The following LGR6 variants were observed in gnomAD, a reference collection of about 807,000 sequenced individuals.
LGR6 encodes the protein leucine rich repeat containing G protein-coupled receptor 6.
A neutral mutation model predicts 69.4 loss-of-function variants in LGR6; 45 were observed. That is an observed-to-expected ratio of 0.65 (90% CI 0.51 to 0.83). The LOEUF (loss-of-function observed/expected upper bound fraction) is 0.83. Ranked by LOEUF, LGR6 falls within the 40% of genes least tolerant of loss-of-function variation. LGR6 has a pLI of 0.00. For missense variants in LGR6, 1,108 were observed against 1,246.7 expected (o/e 0.89, Z 1.68); for synonymous variants, 538 against 555.0 (o/e 0.97, Z 0.43).
At position 202,300,918 on chromosome 1, in the gene LGR6, G is replaced by A. The variant is rs749687454; in HGVS notation, c.855G>A (p.Thr285=). The A allele has an allele frequency of 2.4e-5, 39 of 1,609,784 alleles. No homozygotes were observed. Among genetic ancestry groups the A allele is most frequent in the African/African-American group, 1.9e-4 (14 of 74,748 alleles). The change falls in exon 8 of 18, where the codon ACG becomes ACA. Residue 285 remains threonine, a splice_region_variant and synonymous_variant. Transcript: ENST00000367278. The part of the protein sequence containing the change: ...KAFMGNPLLQ[T]IHFYDNPIQF... ...TCATGGGGAACCCTCTGCTACAGAC[G>A]ATGTGAGTACTACTTTCTCTGGTCT...
In LGR6 at chr1:202,227,999, G is replaced by T; in HGVS notation, c.348G>T (p.Leu116=). The T allele has an allele frequency of 4.3e-6, 7 of 1,610,744 alleles. No individual in the cohort carries two copies. The highest frequency in any genetic ancestry group is 5.1e-6 in the Non-Finnish European group (6 of 1,176,966). The change falls in exon 3 of 18, where the codon CTG becomes CTT. Residue 116 remains leucine (L), a synonymous_variant. Coordinates refer to ENST00000367278, the MANE Select transcript of LGR6 (RefSeq NM_001017403.2). ...PGQAFSGLYS[L]KILMLQNNQL... Reference sequence around the variant, plus strand: ...AAGCATTCTCTGGTCTCTACAGCCTGAAAATCCTGTAAGTATAGGTACACC... The same window carrying T: ...AAGCATTCTCTGGTCTCTACAGCCTTAAAATCCTGTAAGTATAGGTACACC...
intron 1 of LGR6, among the ~76,000 whole-genome samples, chr1:202,206,912 T>C (rs1659262710): frequency 6.7e-6 from 1 of 149,870 alleles, no homozygotes. Context: ...TTTATTTATT[T>C]ATTTATTTAT....
At chr1:202,200,193 C>G (rs941937862) in intron 1 of LGR6, among the ~76,000 whole-genome samples, 4 of 152,204 alleles carry the variant, frequency 2.6e-5, no homozygotes, top group Non-Finnish European at 4.4e-5. Flanking sequence ...AGGGGATGCC[C>G]GGAGGAGCTG....
intron 4 of LGR6, among the ~76,000 whole-genome samples, chr1:202,252,210 C>G (rs766027927): frequency 8.5e-5 from 13 of 152,158 alleles, no homozygotes; most frequent in Non-Finnish European, 1.3e-4. Context: ...TCCCTTTCTT[C>G]CCCCTACCTC....
chr1:202,316,554 A>G (rs788799), intron 17 of LGR6, among the ~76,000 whole-genome samples: 86,015 of 152,032 alleles, frequency 0.57, 25,644 homozygotes, highest in East Asian at 0.75. Context: ...CCAAATGATA[A>G]CAACAGTAAA....
chr1:202,223,929 AAAAGC>A (rs1660333819), intron 1 of LGR6, among the ~76,000 whole-genome samples: 1 of 150,274 alleles, frequency 6.7e-6, no homozygotes, highest in South Asian at 2.1e-4. Flanking sequence ...GCAAGAGGAG[AAAAGC>A]AAATATGTAC....
chr1:202,193,805 C>T lies in LGR6; in HGVS notation c.-185C>T. 1 of 297,922 alleles carries T rather than the reference C, an allele frequency of 3.4e-6. No individual in the cohort carries two copies. The highest frequency in any genetic ancestry group is 6.1e-6 in the Non-Finnish European group (1 of 163,026). The allele number at this position is 297,922 out of a possible 1,614,324, so 18.5% of individuals were successfully genotyped here. ...AAACTGAATAACGAAGATCACTCAA[C>T]AATGCCTGCCCCTCTCTGACTGCAC... On this transcript the variant is annotated 5_prime_UTR_variant, in exon 1 of 18. Transcript: ENST00000367278.
Position 202,246,865 on chromosome 1 carries a change from G to T in LGR6, c.428+10872G>T, listed in dbSNP as rs148760345. On this transcript the variant is annotated intron_variant, in intron 4 of 17. Coordinates refer to ENST00000367278, the MANE Select transcript of LGR6 (RefSeq NM_001017403.2). ...CAGACTACCTCATTCCTTGCAACAA[G>T]CCTCTAAAGGAGGTCCTGTGATCCT... 8.5e-5 allele frequency among the ~76,000 whole-genome samples: 13 copies of T among 152,328 alleles called. No individual in the cohort carries two copies. The East Asian group carries it at 2.3e-3, about 27-fold the overall frequency.
At chr1:202,204,362 ACACACACACCTCCAC>A (rs1658962390) in intron 1 of LGR6, among the ~76,000 whole-genome samples, 1 of 122,108 alleles carries the variant, frequency 8.2e-6, no homozygotes, top group Non-Finnish European at 1.7e-5. Flanking sequence ...ACACCTCCAC[ACACACACACCTCCAC>A]ACACACACCT....
intron 5 of LGR6, among the ~76,000 whole-genome samples, chr1:202,277,631 A>G (rs961110628): frequency 1.3e-5 from 2 of 152,146 alleles, no homozygotes; most frequent in South Asian, 2.1e-4. Context: ...GCAGGCATTT[A>G]TTGAGCCCCC....
rs558982776 is a variant in LGR6, at chr1:202,228,757, A to C, written c.356+750A>C. ...ATTGGGAGGAAGCGGATGCATAGGGACTGAAGGTAGATAGGAGAGGTTCCC... is the reference window on the plus strand; with the variant it reads ...ATTGGGAGGAAGCGGATGCATAGGGCCTGAAGGTAGATAGGAGAGGTTCCC... On this transcript the variant is annotated intron_variant, in intron 3 of 17. Coordinates refer to ENST00000367278, the MANE Select transcript of LGR6 (RefSeq NM_001017403.2). 4.6e-5 allele frequency among the ~76,000 whole-genome samples: 7 copies of C among 152,308 alleles called. No homozygotes were observed. In the East Asian group the frequency reaches 1.3e-3, roughly 29 times the overall value.
At chr1:202,214,136 C>G in intron 1 of LGR6, 1 of 1,479,888 alleles carries the variant, frequency 6.8e-7, no homozygotes, top group African/African-American at 1.5e-5. Context: ...AACTGGCACT[C>G]GAGGTCCCAG....
At chr1:202,254,681 T>C (rs908556544) in intron 4 of LGR6, among the ~76,000 whole-genome samples, 9 of 152,324 alleles carry the variant, frequency 5.9e-5, no homozygotes, top group African/African-American at 2.2e-4. Flanking sequence ...ATATGCAAAG[T>C]CCAGAATGCT....
Position 202,318,203 on chromosome 1 carries a change from G to A in LGR6, c.1900G>A (p.Ala634Thr), listed in dbSNP as rs1654310013. 6.2e-7 allele frequency: 1 copy of A among 1,612,938 alleles called. No individual in the cohort carries two copies. Among genetic ancestry groups the A allele is most frequent in the Non-Finnish European group, 8.5e-7 (1 of 1,179,930 alleles). The part of the protein sequence containing the change: ...LTFGQFSEYG[A>T]RWETGLGCRA... ...CTTTGGTCAGTTCTCTGAGTACGGA[G>A]CCCGCTGGGAGACGGGGCTAGGCTG... Residue 634 changes from alanine to threonine, a missense_variant, in exon 18 of 18, where the codon GCC (alanine) becomes ACC (threonine). Transcript: ENST00000367278.
chr1:202,253,782 C>G (rs1663503481), intron 4 of LGR6, among the ~76,000 whole-genome samples: 1 of 148,502 alleles, frequency 6.7e-6, no homozygotes, highest in Non-Finnish European at 1.5e-5. Flanking sequence ...GCATATGCCA[C>G]CACGCCTGGC....
At chr1:202,255,915 C>T (rs1489969409) in intron 4 of LGR6, among the ~76,000 whole-genome samples, 3 of 152,226 alleles carry the variant, frequency 2.0e-5, no homozygotes, top group Non-Finnish European at 4.4e-5. Flanking sequence ...ATAAAGTTCT[C>T]TCTTTTAAAA....
rs1168452675 is a variant in LGR6 at position 202,193,982 on chromosome 1, C to T, written c.-8C>T. ...GCCGCCAGGTGCCCCAGTAGCCCGA[C>T]CGCCGAGATGCCCAGCCCGCCGGGG... On this transcript the variant is annotated 5_prime_UTR_variant, in exon 1 of 18. Coordinates refer to ENST00000367278, the MANE Select transcript of LGR6 (RefSeq NM_001017403.2). 3 of 1,364,924 alleles carry T rather than the reference C, an allele frequency of 2.2e-6. No homozygotes were observed. Among genetic ancestry groups the T allele is most frequent in the South Asian group, 3.3e-5 (2 of 61,502 alleles). The allele number at this position is 1,364,924 out of a possible 1,614,324, so 84.6% of individuals were successfully genotyped here.
At chr1:202,214,297 G>C in intron 1 of LGR6, 1 of 1,451,634 alleles carries the variant, frequency 6.9e-7, no homozygotes, top group Non-Finnish European at 9.1e-7. Flanking sequence ...CGCAGCCCTG[G>C]GGAGCAGGAC....
At chr1:202,242,936 C>G (rs561140125) in intron 4 of LGR6, among the ~76,000 whole-genome samples, 1 of 152,238 alleles carries the variant, frequency 6.6e-6, no homozygotes. Flanking sequence ...TATTCTCTCA[C>G]TTAACCCTCA....
Sources: gnomAD v4.1 joint callset for allele counts (sites outside exome capture counted in the v4.1 genomes callset) on GRCh38, gnomAD v4.1.1 for gene constraint, MANE v1.5 for transcripts, NCBI Gene and HGNC (gene_info 2026-07-23, HGNC 2026-07-21) for gene names.